Variants in INPP4B observed in about 807,000 individuals in gnomAD.
The protein encoded by INPP4B is inositol polyphosphate 4-phosphatase type II.
INPP4B carries 55 observed loss-of-function variants against 122.5 expected under a neutral mutation model. The observed-to-expected ratio is 0.45, with a 90% confidence interval of 0.36 to 0.56. INPP4B has a LOEUF of 0.56. Among genes scored for constraint, INPP4B ranks in the 20% least tolerant of loss-of-function variants. INPP4B has a pLI of 0.00. For missense variants in INPP4B, 1,000 were observed against 1,097.7 expected, an observed-to-expected ratio of 0.91 and a Z score of 1.26; for synonymous variants, 403 against 388.7, an observed-to-expected ratio of 1.04 and a Z score of -0.43.
intron 2 of INPP4B, among the ~76,000 whole-genome samples, chr4:142,646,764 G>A (rs537372411): frequency 1.3e-5 from 2 of 152,218 alleles, no homozygotes; most frequent in Non-Finnish European, 2.9e-5. Context: ...TTCAGGTGTA[G>A]AAAGTAACCA....
intron 1 of INPP4B, among the ~76,000 whole-genome samples, chr4:142,735,155 C>A (rs959923931): frequency 1.3e-4 from 20 of 152,070 alleles, no homozygotes; most frequent in African/African-American, 3.9e-4. Context: ...TATTTAATCA[C>A]TTTTATGTAC....
intron 9 of INPP4B, among the ~76,000 whole-genome samples, chr4:142,286,366 A>G (rs1317536971): frequency 6.6e-6 from 1 of 152,212 alleles, no homozygotes; most frequent in African/African-American, 2.4e-5. Context: ...GAAAAAGAAT[A>G]TATTTTGGTA....
chr4:142,221,174 T>C, intron 12 of INPP4B, among the ~76,000 whole-genome samples: 1 of 150,798 alleles, frequency 6.6e-6, no homozygotes, highest in East Asian at 2.0e-4. Context: ...CCGAGGCGAG[T>C]GGATCACGAG....
chr4:142,764,811 TA>T (rs1174160081), intron 1 of INPP4B, among the ~76,000 whole-genome samples: 1 of 151,848 alleles, frequency 6.6e-6, no homozygotes, highest in East Asian at 1.9e-4. Context: ...GATCCTCAGA[TA>T]CACATGCTAG....
At chr4:142,449,287 A>G (rs2149494536) in intron 3 of INPP4B, among the ~76,000 whole-genome samples, 1 of 152,348 alleles carries the variant, frequency 6.6e-6, no homozygotes, top group East Asian at 1.9e-4. Context: ...AAGACCAAAC[A>G]GTAACAGTTT....
intron 15 of INPP4B, among the ~76,000 whole-genome samples, chr4:142,176,099 C>T (rs1269519461): frequency 6.9e-6 from 1 of 143,944 alleles, no homozygotes; most frequent in Admixed American, 7.2e-5. Context: ...CCATCTCTCT[C>T]TTCACATGAC....
At chr4:142,808,185 G>C (rs1052586201) in intron 1 of INPP4B, among the ~76,000 whole-genome samples, 5 of 152,080 alleles carry the variant, frequency 3.3e-5, no homozygotes, top group African/African-American at 1.2e-4. Flanking sequence ...CTTGAGGGGA[G>C]AGTAGTTGTT....
intron 11 of INPP4B, among the ~76,000 whole-genome samples, chr4:142,256,087 C>G (rs1228843766): frequency 1.3e-5 from 2 of 149,768 alleles, no homozygotes; most frequent in African/African-American, 4.9e-5. Context: ...AACTGAACAA[C>G]CTGCTCCTGA....
intron 2 of INPP4B, among the ~76,000 whole-genome samples, chr4:142,714,588 T>C (rs1763530888): frequency 6.6e-6 from 1 of 152,244 alleles, no homozygotes; most frequent in Non-Finnish European, 1.5e-5. Flanking sequence ...ATTATTTCCC[T>C]GATTCTATTT....
chr4:142,384,610 G>A (rs1017121388), intron 7 of INPP4B, among the ~76,000 whole-genome samples: 16 of 152,150 alleles, frequency 1.1e-4, no homozygotes, highest in Non-Finnish European at 2.1e-4. Context: ...TGCATATGCA[G>A]TCCATCATTG....
chr4:142,143,232 CCAACAGACA>C (rs1289264252), intron 18 of INPP4B, among the ~76,000 whole-genome samples: 12 of 151,990 alleles, frequency 7.9e-5, no homozygotes, highest in Non-Finnish European at 1.5e-5. Context: ...ACCAACAGGC[CCAACAGACA>C]ACTGTATGTT....
At chr4:142,111,566 T>A (rs961271090) in intron 22 of INPP4B, among the ~76,000 whole-genome samples, 7 of 151,996 alleles carry the variant, frequency 4.6e-5, no homozygotes, top group Non-Finnish European at 8.8e-5. Flanking sequence ...AGGCTGGTCT[T>A]GAACTCCTGA....
chr4:142,180,453 CCTCT>C (rs1418107768), intron 15 of INPP4B, among the ~76,000 whole-genome samples: 1 of 152,140 alleles, frequency 6.6e-6, no homozygotes, highest in Non-Finnish European at 1.5e-5. Context: ...TAAATCTCCT[CCTCT>C]ATCACTTTAA....
chr4:142,136,608 A>C (rs1438944956), intron 18 of INPP4B, among the ~76,000 whole-genome samples: 1 of 152,204 alleles, frequency 6.6e-6, no homozygotes, highest in African/African-American at 2.4e-5. Flanking sequence ...TGACTGGATC[A>C]TGGAGGATGA....
chr4:142,675,375 A>C (rs763723989), intron 2 of INPP4B, among the ~76,000 whole-genome samples: 76 of 152,116 alleles, frequency 5.0e-4, no homozygotes, highest in Non-Finnish European at 7.5e-4. Context: ...CCAATCAAAA[A>C]AAGTCCAGGA....
chr4:142,649,546 G>A (rs1752500318), intron 2 of INPP4B, among the ~76,000 whole-genome samples: 1 of 152,118 alleles, frequency 6.6e-6, no homozygotes, highest in Admixed American at 6.6e-5. Context: ...AAAAACCATG[G>A]CACAAGAACT....
At chr4:142,831,853 G>C (rs1043066408) in intron 1 of INPP4B, among the ~76,000 whole-genome samples, 5 of 152,036 alleles carry the variant, frequency 3.3e-5, no homozygotes, top group South Asian at 2.1e-4. Context: ...TATCACCCAA[G>C]GTGTACTTAT....
intron 1 of INPP4B, among the ~76,000 whole-genome samples, chr4:142,780,003 T>C (rs1022008049): frequency 2.6e-5 from 4 of 152,120 alleles, no homozygotes; most frequent in Non-Finnish European, 2.9e-5. Flanking sequence ...TCAGAGAAGA[T>C]GTGTCCAAAT....
chr4:142,298,938 T>G (rs911530391), intron 9 of INPP4B, among the ~76,000 whole-genome samples: 1 of 151,972 alleles, frequency 6.6e-6, no homozygotes, highest in Non-Finnish European at 1.5e-5. Context: ...ACATTTGAAA[T>G]TCTTAACCCA....
Sources: gnomAD v4.1 joint callset for allele counts (sites outside exome capture counted in the v4.1 genomes callset) on GRCh38, gnomAD v4.1.1 for gene constraint, MANE v1.5 for transcripts, NCBI Gene and HGNC (gene_info 2026-07-23, HGNC 2026-07-21) for gene names.